ST13: variants seen among roughly 807,000 people sequenced by gnomAD.
ST13 encodes hsc70-interacting protein.
ST13 carries 23 observed loss-of-function variants against 56.7 expected under a neutral mutation model. That is an observed-to-expected ratio of 0.41 (90% confidence interval 0.29 to 0.57). The LOEUF (loss-of-function observed/expected upper bound fraction) is 0.57, where lower values mean the gene tolerates loss of function less well. ST13 is among the 20% of genes least tolerant of loss of function. The pLI is 0.36. For synonymous variants in ST13, 132 were observed against 142.4 expected (o/e 0.93, Z 0.52); for missense variants, 369 against 459.9 (o/e 0.80, Z 1.81).
chr22:40,835,754 T>C (rs772637386), intron 6 of ST13, 49 bp downstream of exon 6: 6 of 1,599,862 alleles, frequency 3.8e-6, no homozygotes, highest in Non-Finnish European at 5.1e-6. Context: ...TTTAAACAAA[T>C]GTGCAGAAAT....
intron 2 of ST13, among the ~76,000 whole-genome samples, chr22:40,850,026 G>A (rs577156494): frequency 2.0e-5 from 3 of 152,138 alleles, no homozygotes; most frequent in African/African-American, 7.2e-5. Context: ...CACCTTGGGA[G>A]GCTGAGAGAT....
chr22:40,826,713 C>G (rs779339082), intron 11 of ST13, 47 bp from the exon 12 acceptor site: 1 of 1,596,260 alleles, frequency 6.3e-7, no homozygotes, highest in South Asian at 1.1e-5. Flanking sequence ...CCTACTGGGT[C>G]AGTAAGTTTA....
In ST13 at chr22:40,840,746, C is replaced by T; in HGVS notation, c.316-54G>A. On this transcript the variant is annotated intron_variant, in intron 4 of 11. Transcript: ENST00000216218. Reference sequence around the variant, plus strand: ...ATTAGTAGAGAGAGAGAGAAGGAAGCAATTCATACTTTCTTAGGGATGAGG... The same window carrying T: ...ATTAGTAGAGAGAGAGAGAAGGAAGTAATTCATACTTTCTTAGGGATGAGG... The T allele has an allele frequency of 7.4e-6, 11 of 1,479,580 alleles. No homozygotes were observed. The South Asian group carries it at 1.3e-4, about 18-fold the overall frequency. The allele number at this position is 1,479,580 out of a possible 1,614,324, so 91.7% of individuals were successfully genotyped here.
intron 7 of ST13, among the ~76,000 whole-genome samples, chr22:40,832,968 T>C (rs746711716): frequency 9.9e-5 from 15 of 152,218 alleles, no homozygotes; most frequent in South Asian, 2.1e-4. Context: ...CCAGTAACTT[T>C]CAACTCGCCC....
chr22:40,844,855 C>A lies in ST13; in HGVS notation c.299G>T (p.Gly100Val). 1 of 1,613,556 alleles carries A rather than the reference C, an allele frequency of 6.2e-7. No homozygotes were observed. Among genetic ancestry groups the A allele is most frequent in the Non-Finnish European group, 8.5e-7 (1 of 1,179,684 alleles). ...EPDTDAPQEM[G>V]DENAEITEEM... ...CGAACTTACCTCCGCATTTTCATCT[C>A]CCATTTCTTGAGGAGCATCAGTGTC... Residue 100 changes from glycine (G) to valine (V), a missense_variant, in exon 4 of 12, where the codon GGA becomes GTA. Around this residue, in one of 3 missense-constraint regions of ST13, gnomAD observed 169 missense variants for 175.6 expected, o/e 0.96. Coordinates refer to ENST00000216218, the MANE Select transcript of ST13 (RefSeq NM_003932.5).
intron 7 of ST13, 183 bp downstream of exon 7, chr22:40,835,373 ATTTC>A (rs1409893990): frequency 1.3e-4 from 62 of 466,166 alleles, no homozygotes; most frequent in Non-Finnish European, 1.5e-4. Context: ...CTTCTTTTAA[ATTTC>A]TTTTTTTTTT....
At chr22:40,837,436 A>G (rs1371658643) in intron 5 of ST13, among the ~76,000 whole-genome samples, 2 of 152,078 alleles carry the variant, frequency 1.3e-5, no homozygotes, top group Non-Finnish European at 2.9e-5. Context: ...ACCAACATGG[A>G]GAAATACCAA....
intron 5 of ST13, 30 bp from the exon 6 acceptor site, chr22:40,835,917 A>G (rs771731765): frequency 1.3e-6 from 2 of 1,510,084 alleles, no homozygotes; most frequent in South Asian, 1.2e-5. Context: ...ATCGAGAAAT[A>G]TTCAGAGGAT....
intron 3 of ST13, among the ~76,000 whole-genome samples, chr22:40,846,231 T>C (rs764868150): frequency 2.6e-5 from 4 of 152,216 alleles, no homozygotes; most frequent in Non-Finnish European, 4.4e-5. Context: ...TCACCGTGCC[T>C]GACCTCAGGC....
intron 3 of ST13, among the ~76,000 whole-genome samples, chr22:40,847,569 AAAAAG>A (rs2057838766): frequency 1.3e-5 from 2 of 151,662 alleles, no homozygotes; most frequent in Admixed American, 6.6e-5. Context: ...AAAAAAAAAA[AAAAAG>A]AAAACTTTTT....
intron 5 of ST13, among the ~76,000 whole-genome samples, chr22:40,839,899 C>G (rs954243661): frequency 6.6e-6 from 1 of 151,926 alleles, no homozygotes; most frequent in African/African-American, 2.4e-5. Context: ...GCCTGTTATC[C>G]CAGCACTTTG....
At chr22:40,839,168 A>G (rs2057791027) in intron 5 of ST13, among the ~76,000 whole-genome samples, 1 of 152,242 alleles carries the variant, frequency 6.6e-6, no homozygotes, top group Non-Finnish European at 1.5e-5. Flanking sequence ...ACTGCAGTAT[A>G]AAACAGTATA....
chr22:40,851,905 C>A (rs2057863342), intron 1 of ST13, among the ~76,000 whole-genome samples: 1 of 152,088 alleles, frequency 6.6e-6, no homozygotes, highest in Admixed American at 6.5e-5. Flanking sequence ...TGCCATCACA[C>A]CCAGCTGATT....
chr22:40,839,711 G>A (rs886247801), intron 5 of ST13, among the ~76,000 whole-genome samples: 4 of 151,606 alleles, frequency 2.6e-5, no homozygotes, highest in South Asian at 4.2e-4. Context: ...GCAGAGAGCC[G>A]AGATCACGCC....
chr22:40,832,362 G>A (rs570018830), intron 8 of ST13: 9 of 557,638 alleles, frequency 1.6e-5, no homozygotes, highest in African/African-American at 1.3e-4. Context: ...AAGTAACAGA[G>A]TTTGCTCTAA....
At position 40,832,587 on chromosome 22, in the gene ST13, C is replaced by T. The variant is rs1568999433; in HGVS notation, c.663G>A (p.Leu221=). 1.2e-6 allele frequency: 2 copies of T among 1,608,582 alleles called. No individual in the cohort carries two copies. The highest frequency in any genetic ancestry group is 1.7e-6 in the Non-Finnish European group (2 of 1,179,414). The change falls in exon 8 of 12, where the codon CTG becomes CTA. Residue 221 remains leucine (L), a synonymous_variant. Transcript: ENST00000216218. ...GACATACCCTAGGTTGAACTTCTTT[C>T]AGCATTGCACTAGCATCTTCATCAT... ...LDYDEDASAM[L]KEVQPRAQKI... is the part of the protein sequence containing the mutation.
intron 1 of ST13, among the ~76,000 whole-genome samples, chr22:40,856,186 T>C (rs2057893434): frequency 6.6e-6 from 1 of 152,166 alleles, no homozygotes; most frequent in African/African-American, 2.4e-5. Flanking sequence ...TTTTTGTATT[T>C]CGCCCAAGAT....
intron 5 of ST13, among the ~76,000 whole-genome samples, chr22:40,840,237 T>C (rs1020233340): frequency 2.0e-5 from 3 of 152,110 alleles, no homozygotes; most frequent in African/African-American, 7.2e-5. Context: ...CAAGAGAATC[T>C]AACATGCTCT....
intron 7 of ST13, among the ~76,000 whole-genome samples, chr22:40,833,521 C>T (rs532320556): frequency 1.4e-5 from 2 of 143,754 alleles, no homozygotes; most frequent in African/African-American, 5.2e-5. Flanking sequence ...GCCAAGATCG[C>T]GCCACTGCAC....
Sources: gnomAD v4.1 joint callset for allele counts (sites outside exome capture counted in the v4.1 genomes callset) on GRCh38, gnomAD v4.1.1 for gene constraint, gnomAD v4.1.1 regional missense constraint, MANE v1.5 for transcripts, NCBI Gene and HGNC (gene_info 2026-07-23, HGNC 2026-07-21) for gene names.